The following ARHGAP29 variants were observed in gnomAD, a reference collection of about 807,000 sequenced individuals.
ARHGAP29 encodes the protein Rho GTPase activating protein 29, also known as rho GTPase-activating protein 29.
A neutral mutation model predicts 122.6 loss-of-function variants in ARHGAP29; 43 were observed. That is an observed-to-expected ratio of 0.35 (90% CI 0.27 to 0.45). The LOEUF (loss-of-function observed/expected upper bound fraction) is 0.45, where lower values mean the gene tolerates loss of function less well. Ranked by LOEUF, ARHGAP29 falls within the 20% of genes least tolerant of loss-of-function variation. The probability of loss-of-function intolerance (pLI) is 1.00; values close to 1 mark genes in which losing one functional copy is unlikely to be tolerated. For missense variants in ARHGAP29, 1,303 were observed against 1,477.2 expected, an observed-to-expected ratio of 0.88 and a Z score of 1.93; for synonymous variants, 506 against 497.1, an observed-to-expected ratio of 1.02 and a Z score of -0.24.
At chr1:94,181,908 A>G (rs1268295502) in intron 19 of ARHGAP29, among the ~76,000 whole-genome samples, 1 of 152,244 alleles carries the variant, frequency 6.6e-6, no homozygotes, top group Non-Finnish European at 1.5e-5. Flanking sequence ...TAACAAAAAA[A>G]GGTAAAATTA....
Position 94,174,147 on chromosome 1 carries a change from G to A in ARHGAP29, c.3508C>T (p.His1170Tyr), listed in dbSNP as rs375250590. 3 of 1,614,106 alleles carry A rather than the reference G, an allele frequency of 1.9e-6. No homozygotes were observed. The highest frequency in any genetic ancestry group is 2.7e-5 in the African/African-American group (2 of 74,938). Residue 1170 changes from histidine to tyrosine, a missense_variant, in exon 23 of 23, where the codon CAT becomes TAT. Physicochemically the swap from His to Tyr is moderately conservative, Grantham distance 83. Transcript: ENST00000260526. ...CCCCTGATACTGATGATGGGAGCAT[G>A]TGGTTTATAAAATGTTGTCCAATGT... is the stretch of plus-strand genomic sequence containing the variant. ...PQHWTTFYKP[H>Y]APIISIRGNE...
rs1648895164 is a variant in ARHGAP29 at position 94,173,727 on chromosome 1, G to A, written c.*142C>T. ...CTACCATTCAGTATTACCAACAGAG[G>A]ATAAATACAACAACAAAAGGCAAAA... On this transcript the variant is annotated 3_prime_UTR_variant, in exon 23 of 23. Transcript: ENST00000260526. 1.0e-6 allele frequency: 1 copy of A among 980,886 alleles called. No individual in the cohort carries two copies. The highest frequency in any genetic ancestry group is 1.5e-6 in the Non-Finnish European group (1 of 666,720). 60.8% of individuals were successfully genotyped at this position (980,886 alleles called of 1,614,324 possible).
chr1:94,169,017 AG>A lies in ARHGAP29; in HGVS notation c.*4851del, dbSNP rs1255527715. 6.6e-6 allele frequency among the ~76,000 whole-genome samples: 1 copy of A among 152,226 alleles called. No homozygotes were observed. The highest frequency in any genetic ancestry group is 2.4e-5 in the African/African-American group (1 of 41,462). On this transcript the variant is annotated 3_prime_UTR_variant, in exon 23 of 23. Transcript: ENST00000260526. ...AAAAATAGCATGATACAGTTATTGT[AG>A]GAAGTATTAATATTTAAAAATTGTT...
rs1651020966 is a variant in ARHGAP29, at chr1:94,203,867, A to G, written c.762+63T>C. The G allele has an allele frequency of 4.2e-6, 6 of 1,439,040 alleles. No individual in the cohort carries two copies. In the South Asian group the frequency reaches 6.0e-5, roughly 14 times the overall value. 89.1% of individuals were successfully genotyped at this position (1,439,040 alleles called of 1,614,324 possible). A position where few individuals can be genotyped will look rare whatever the true frequency, so the allele number is the denominator to read the frequency against. ...TTAACTGAAATATTCTGATTTTGCA[A>G]ATTATTGGGAGTTCATGAGTAGTTT... On this transcript the variant is annotated intron_variant, in intron 8 of 22. Coordinates refer to ENST00000260526, the MANE Select transcript of ARHGAP29 (RefSeq NM_004815.4).
intron 11 of ARHGAP29, chr1:94,202,200 G>T: frequency 2.1e-6 from 1 of 471,772 alleles, no homozygotes; most frequent in South Asian, 4.7e-5. Context: ...TTGCTATCAG[G>T]TGCCTGAATT....
At chr1:94,240,573 A>C (rs1653536172), upstream of ARHGAP29, among the ~76,000 whole-genome samples, 1 of 152,236 alleles carries the variant, frequency 6.6e-6, no homozygotes, top group Non-Finnish European at 1.5e-5. Context: ...AACCATCAGT[A>C]TATCTACCAT....
At chr1:94,199,931 T>C (rs1202784800) in intron 12 of ARHGAP29, among the ~76,000 whole-genome samples, 2 of 152,204 alleles carry the variant, frequency 1.3e-5, no homozygotes, top group Non-Finnish European at 2.9e-5. Context: ...AATTTTATTA[T>C]AACATCCATA....
intron 12 of ARHGAP29, among the ~76,000 whole-genome samples, chr1:94,199,006 C>T (rs1650655051): frequency 1.3e-5 from 2 of 152,150 alleles, no homozygotes; most frequent in Admixed American, 1.3e-4. Context: ...GAACCAAACA[C>T]CACATGTTCT....
intron 1 of ARHGAP29, among the ~76,000 whole-genome samples, chr1:94,267,875 G>A (rs1436103718): frequency 1.3e-5 from 2 of 152,094 alleles, no homozygotes; most frequent in African/African-American, 4.8e-5. Flanking sequence ...TTGTATTATT[G>A]CATTCCTTTG....
the ARHGAP29 span, among the ~76,000 whole-genome samples, chr1:94,290,189 G>A: frequency 6.6e-6 from 1 of 152,136 alleles, no homozygotes; most frequent in East Asian, 1.9e-4. Context: ...GGTCTATTCA[G>A]GTGTTTATTC....
the ARHGAP29 span, among the ~76,000 whole-genome samples, chr1:94,287,774 A>G: frequency 2.8e-5 from 4 of 140,760 alleles, no homozygotes; most frequent in Admixed American, 7.3e-5. Context: ...TCCTTGTGAT[A>G]GTTTGCTGAG....
intron 22 of ARHGAP29, among the ~76,000 whole-genome samples, chr1:94,175,634 C>T (rs1036221766): frequency 4.6e-5 from 7 of 152,184 alleles, no homozygotes; most frequent in Admixed American, 3.9e-4. Flanking sequence ...GTCATCGTCT[C>T]ATCTGAACTT....
chr1:94,221,501 CAT>C (rs1247561356), intron 2 of ARHGAP29, among the ~76,000 whole-genome samples: 1 of 151,144 alleles, frequency 6.6e-6, no homozygotes, highest in African/African-American at 2.4e-5. Flanking sequence ...TGTATATACA[CAT>C]ATTTCTGTAT....
intron 2 of ARHGAP29, among the ~76,000 whole-genome samples, chr1:94,225,689 C>T (rs1355663650): frequency 6.6e-6 from 1 of 151,934 alleles, no homozygotes; most frequent in African/African-American, 2.4e-5. Context: ...AGTTATAGTA[C>T]TTAATTTAGT....
the ARHGAP29 span, among the ~76,000 whole-genome samples, chr1:94,285,211 C>T: frequency 6.6e-6 from 1 of 152,140 alleles, no homozygotes; most frequent in South Asian, 2.1e-4. Flanking sequence ...TAGAGTTGGA[C>T]AGTGTGTTTT....
At chr1:94,221,730 T>C (rs1001816475) in intron 2 of ARHGAP29, among the ~76,000 whole-genome samples, 5 of 150,910 alleles carry the variant, frequency 3.3e-5, no homozygotes, top group Non-Finnish European at 7.4e-5. Context: ...TCTATATAAA[T>C]ACCCATATGT....
rs1653356890 is a variant in ARHGAP29, at chr1:94,237,467, C to T, written c.-85G>A. 3 of 987,654 alleles carry T rather than the reference C, an allele frequency of 3.0e-6. No individual in the cohort carries two copies. Among genetic ancestry groups the T allele is most frequent in the African/African-American group, 1.7e-5 (1 of 57,248 alleles). 61.2% of individuals were successfully genotyped at this position (987,654 alleles called of 1,614,324 possible). Reference sequence around the variant, plus strand: ...GCGGACGCCCGCCCCACACCTACGGCCGCCGCCACCGCCGAGGGCTGGAGC... The same window carrying T: ...GCGGACGCCCGCCCCACACCTACGGTCGCCGCCACCGCCGAGGGCTGGAGC... On this transcript the variant is annotated 5_prime_UTR_variant, in exon 1 of 23. Coordinates refer to ENST00000260526, the MANE Select transcript of ARHGAP29 (RefSeq NM_004815.4).
chr1:94,287,864 G>C, the ARHGAP29 span, among the ~76,000 whole-genome samples: 2 of 152,116 alleles, frequency 1.3e-5, no homozygotes, highest in Non-Finnish European at 2.9e-5. Flanking sequence ...AGTATTCCAT[G>C]GTGTATATTT....
At chr1:94,234,006 T>G (rs2101621212) in intron 1 of ARHGAP29, among the ~76,000 whole-genome samples, 1 of 152,294 alleles carries the variant, frequency 6.6e-6, no homozygotes, top group South Asian at 2.1e-4. Context: ...TGATCTCAGC[T>G]CAAAGCTTAC....
Sources: gnomAD v4.1 joint callset for allele counts (sites outside exome capture counted in the v4.1 genomes callset) on GRCh38, gnomAD v4.1.1 for gene constraint, MANE v1.5 for transcripts, NCBI Gene and HGNC (gene_info 2026-07-23, HGNC 2026-07-21) for gene names.